The following EFCAB6 variants were observed in gnomAD, a reference collection of about 807,000 sequenced individuals.
EFCAB6 encodes EF-hand calcium binding domain 6.
In EFCAB6, 156 loss-of-function variants were observed where a neutral mutation model predicts 169.8. That is an observed-to-expected ratio of 0.92 (90% CI 0.81 to 1.05). The LOEUF is 1.05. Among genes scored for constraint, EFCAB6 ranks in the 50% least tolerant of loss-of-function variants. The probability of loss-of-function intolerance (pLI) is 0.00; values close to 1 mark genes in which losing one functional copy is unlikely to be tolerated. For missense variants in EFCAB6, 1,800 were observed against 1,829.1 expected, an observed-to-expected ratio of 0.98 and a Z score of 0.29; for synonymous variants, 698 against 676.4, an observed-to-expected ratio of 1.03 and a Z score of -0.50.
At chr22:43,663,467 A>G (rs1255520800) in intron 17 of EFCAB6, among the ~76,000 whole-genome samples, 1 of 152,240 alleles carries the variant, frequency 6.6e-6, no homozygotes, top group Non-Finnish European at 1.5e-5. Context: ...ATAATGCTTT[A>G]TAGCTTATGA....
At chr22:43,618,201 A>AGAAG (rs2053859650) in intron 20 of EFCAB6, among the ~76,000 whole-genome samples, 1 of 136,502 alleles carries the variant, frequency 7.3e-6, no homozygotes, top group Admixed American at 7.5e-5. Context: ...AAAGAAAGAA[A>AGAAG]GAAAGAAAGA....
intron 6 of EFCAB6, among the ~76,000 whole-genome samples, chr22:43,750,118 A>G (rs1190912745): frequency 6.6e-6 from 1 of 152,168 alleles, no homozygotes; most frequent in Non-Finnish European, 1.5e-5. Context: ...CACACACAGG[A>G]AGATTAAAAA....
rs536329195 is a variant in EFCAB6, at chr22:43,691,713, G to C, written c.1032-4132C>G. ...TGTTAAAATTCTTAAAGCATAAAGT[G>C]CTTATACAAATTAATAAGAAAATAC... On this transcript the variant is annotated intron_variant, in intron 10 of 31. Transcript: ENST00000262726. Among the ~76,000 whole-genome samples the C allele has an allele frequency of 3.3e-3, 506 of 152,190 alleles. 1 individual carries two copies. Among genetic ancestry groups the C allele is most frequent in the Non-Finnish European group, 5.0e-3 (343 of 68,016 alleles).
intron 17 of EFCAB6, among the ~76,000 whole-genome samples, chr22:43,666,662 C>CT (rs2057262209): frequency 7.0e-6 from 1 of 142,986 alleles, no homozygotes; most frequent in Non-Finnish European, 1.5e-5. Flanking sequence ...AATCAGCACT[C>CT]TGAGTTTCCC....
chr22:43,772,592 G>T (rs2061505368), intron 4 of EFCAB6, among the ~76,000 whole-genome samples: 1 of 143,312 alleles, frequency 7.0e-6, no homozygotes, highest in African/African-American at 2.6e-5. Flanking sequence ...GGTGAGCCAA[G>T]ATCACACCAT....
intron 6 of EFCAB6, among the ~76,000 whole-genome samples, chr22:43,747,900 T>G (rs545540563): frequency 7.2e-5 from 11 of 152,352 alleles, no homozygotes; most frequent in African/African-American, 2.6e-4. Context: ...TGTATCACTT[T>G]ATTCCCTAAC....
At chr22:43,804,541 T>C (rs1026155076) in intron 2 of EFCAB6, among the ~76,000 whole-genome samples, 3 of 152,098 alleles carry the variant, frequency 2.0e-5, no homozygotes, top group African/African-American at 7.2e-5. Context: ...GGAGGATTGC[T>C]TGAGGCCAGG....
At chr22:43,766,109 C>T (rs2061319422) in intron 4 of EFCAB6, among the ~76,000 whole-genome samples, 1 of 152,136 alleles carries the variant, frequency 6.6e-6, no homozygotes, top group Non-Finnish European at 1.5e-5. Flanking sequence ...AATCTCGGCC[C>T]ACTGCAACCT....
chr22:43,678,329 C>CTGTGTGTGTGTGTGTGTGTGTG (rs137787), intron 12 of EFCAB6, among the ~76,000 whole-genome samples, 166 bp from the exon 13 acceptor site: 21 of 144,260 alleles, frequency 1.5e-4, no homozygotes, highest in African/African-American at 3.8e-4. Flanking sequence ...AACATGAGCA[C>CTGTGTGTGTGTGTGTGTGTGTG]TGTGTGTGTG....
chr22:43,543,207 G>C (rs1212154178), intron 27 of EFCAB6, among the ~76,000 whole-genome samples: 1 of 152,216 alleles, frequency 6.6e-6, no homozygotes, highest in Non-Finnish European at 1.5e-5. Context: ...CAAAGTGTGG[G>C]AGGAAGTGGT....
rs761593651 is a variant in EFCAB6 at position 43,528,825 on chromosome 22, C to T, written c.*28G>A. The T allele has an allele frequency of 1.9e-6, 3 of 1,570,916 alleles. No individual in the cohort carries two copies. The highest frequency in any genetic ancestry group is 2.6e-6 in the Non-Finnish European group (3 of 1,146,890). On this transcript the variant is annotated 3_prime_UTR_variant, in exon 32 of 32. Coordinates refer to ENST00000262726, the MANE Select transcript of EFCAB6 (RefSeq NM_022785.4). ...GCCTTGAAACAGGCCCTGTGGCTGTCGTCCCGCTGGGCACACAGCAGGGGT... is the reference window on the plus strand; with the variant it reads ...GCCTTGAAACAGGCCCTGTGGCTGTTGTCCCGCTGGGCACACAGCAGGGGT...
intron 20 of EFCAB6, among the ~76,000 whole-genome samples, chr22:43,618,223 A>AAAGG (rs1569257564): frequency 5.1e-5 from 5 of 97,874 alleles, no homozygotes; most frequent in African/African-American, 1.1e-4. Flanking sequence ...AGAAAGAAAG[A>AAAGG]GAAAGAAAGA....
At position 43,614,562 on chromosome 22, in the gene EFCAB6, A is replaced by G. The variant is rs142042528; in HGVS notation, c.2562+1264T>C. On this transcript the variant is annotated intron_variant, in intron 21 of 31. Coordinates refer to ENST00000262726, the MANE Select transcript of EFCAB6 (RefSeq NM_022785.4). ...ATAAGAGAAAATTTAGATGACCTTG[A>G]GTTTGGCAGTGACTTGTTAGATACA... Among the ~76,000 whole-genome samples the G allele has an allele frequency of 2.6e-4, 39 of 152,338 alleles. No individual in the cohort carries two copies. The East Asian group carries it at 5.4e-3, about 21-fold the overall frequency.
At chr22:43,684,165 G>C (rs2058103919) in intron 11 of EFCAB6, among the ~76,000 whole-genome samples, 1 of 152,192 alleles carries the variant, frequency 6.6e-6, no homozygotes, top group Admixed American at 6.5e-5. Flanking sequence ...ATGGACCAGT[G>C]CTGAGACCTC....
At chr22:43,738,143 TACTCAC>T (rs1021460455) in intron 6 of EFCAB6, among the ~76,000 whole-genome samples, 5 of 145,978 alleles carry the variant, frequency 3.4e-5, no homozygotes, top group Admixed American at 2.0e-4. Context: ...CCTGTGCATA[TACTCAC>T]ACTCACACCA....
rs73174305 is a variant in EFCAB6, at chr22:43,672,439, G to A, written c.1420-134C>T. 1.5e-3 allele frequency: 1,319 copies of A among 855,130 alleles called. 11 individuals are homozygous for A. The highest frequency in any genetic ancestry group is 7.1e-4 in the Non-Finnish European group (388 of 547,242). The allele number at this position is 855,130 out of a possible 1,614,324, so 53.0% of individuals were successfully genotyped here. ...CATTAGCTTTGAGACCTTGAACAACGGAGCTTGCCCTCTAATACCCATCTG... is the reference window on the plus strand; with the variant it reads ...CATTAGCTTTGAGACCTTGAACAACAGAGCTTGCCCTCTAATACCCATCTG... On this transcript the variant is annotated intron_variant, in intron 13 of 31. Transcript: ENST00000262726.
chr22:43,613,391 A>T (rs1465173454), intron 21 of EFCAB6, among the ~76,000 whole-genome samples: 1 of 152,148 alleles, frequency 6.6e-6, no homozygotes, highest in Non-Finnish European at 1.5e-5. Flanking sequence ...CTGGATAAAG[A>T]AACTGTGGAA....
chr22:43,756,577 A>G (rs2060965700), intron 5 of EFCAB6, among the ~76,000 whole-genome samples: 1 of 152,098 alleles, frequency 6.6e-6, no homozygotes, highest in Non-Finnish European at 1.5e-5. Context: ...CCACTTTACA[A>G]TGTCTGTCCA....
Position 43,787,119 on chromosome 22 carries a change from G to A in EFCAB6, c.-7-4794C>T, listed in dbSNP as rs1006870632. ...CACAGGTAATGTCATATTTAATGGT[G>A]AATGACCAAAAGTTTTCTCCGTAAG... On this transcript the variant is annotated intron_variant, in intron 2 of 31. Coordinates refer to ENST00000262726, the MANE Select transcript of EFCAB6 (RefSeq NM_022785.4). 2.6e-5 allele frequency among the ~76,000 whole-genome samples: 4 copies of A among 152,150 alleles called. No individual in the cohort carries two copies. The East Asian group carries it at 7.7e-4, about 29-fold the overall frequency.
Sources: gnomAD v4.1 joint callset for allele counts (sites outside exome capture counted in the v4.1 genomes callset) on GRCh38, gnomAD v4.1.1 for gene constraint, MANE v1.5 for transcripts, NCBI Gene and HGNC (gene_info 2026-07-23, HGNC 2026-07-21) for gene names.